Variants in USP24 observed in about 807,000 individuals in gnomAD.
USP24 encodes the protein ubiquitin specific peptidase 24.
In USP24, 97 loss-of-function variants were observed where a neutral mutation model predicts 361.6. That is an observed-to-expected ratio of 0.27 (90% confidence interval 0.23 to 0.32). USP24 has a LOEUF of 0.32. Ranked by LOEUF, USP24 falls within the 10% of genes least tolerant of loss-of-function variation. The pLI is 1.00. For synonymous variants in USP24, 1,098 were observed against 1,124.6 expected, an observed-to-expected ratio of 0.98 and a Z score of 0.47; for missense variants, 2,353 against 3,165.6, an observed-to-expected ratio of 0.74 and a Z score of 6.16.
intron 1 of USP24, among the ~76,000 whole-genome samples, chr1:55,182,370 C>T (rs1644000040): frequency 6.6e-6 from 1 of 152,038 alleles, no homozygotes; most frequent in Non-Finnish European, 1.5e-5. Flanking sequence ...ACTTCTTGAT[C>T]TTGGACTTCT....
At chr1:55,202,478 C>G (rs1404922346) in intron 1 of USP24, among the ~76,000 whole-genome samples, 1 of 151,714 alleles carries the variant, frequency 6.6e-6, no homozygotes, top group African/African-American at 2.4e-5. Flanking sequence ...GATCTCGGCT[C>G]ACTGCAAACT....
chr1:55,111,836 A>C (rs922713099), intron 38 of USP24, among the ~76,000 whole-genome samples: 1 of 152,120 alleles, frequency 6.6e-6, no homozygotes, highest in Non-Finnish European at 1.5e-5. Context: ...ATGTTAAAAC[A>C]GAAGGTTAAA....
intron 3 of USP24, among the ~76,000 whole-genome samples, chr1:55,173,710 T>G (rs1649675313): frequency 6.6e-6 from 1 of 152,240 alleles, no homozygotes; most frequent in Admixed American, 6.5e-5. Context: ...TAAATACTAA[T>G]TAGCCGCACT....
rs1646920426 is a variant in USP24, at chr1:55,142,600, T to C, written c.2634+142A>G. 5 of 625,792 alleles carry C rather than the reference T, an allele frequency of 8.0e-6. No homozygotes were observed. In the South Asian group the frequency reaches 1.2e-4, roughly 15 times the overall value. The allele number at this position is 625,792 out of a possible 1,614,324, so 38.8% of individuals were successfully genotyped here. On this transcript the variant is annotated intron_variant, in intron 23 of 67. Coordinates refer to ENST00000294383, the MANE Select transcript of USP24 (RefSeq NM_015306.3). ...ATACTGGGCAAACATCTGTTCCCTA[T>C]GCCACAATATGGTACTGTTGATAAA...
chr1:55,134,244 A>G, intron 29 of USP24, 81 bp from the exon 30 acceptor site: 1 of 1,562,582 alleles, frequency 6.4e-7, no homozygotes, highest in Non-Finnish European at 8.7e-7. Context: ...ATATAAAATA[A>G]AATGCATTTC....
At chr1:55,095,027 C>T (rs1645464983) in intron 51 of USP24, among the ~76,000 whole-genome samples, 1 of 151,596 alleles carries the variant, frequency 6.6e-6, no homozygotes, top group Admixed American at 6.6e-5. Flanking sequence ...AAACAAAACA[C>T]TTCAATTCTA....
At chr1:55,209,003 T>C (rs1644783740) in intron 1 of USP24, among the ~76,000 whole-genome samples, 1 of 151,938 alleles carries the variant, frequency 6.6e-6, no homozygotes, top group African/African-American at 2.4e-5. Context: ...TTAACGAAAA[T>C]TTTTATGTCA....
chr1:55,145,474 A>G (rs1570535432), intron 20 of USP24, among the ~76,000 whole-genome samples: 1 of 152,188 alleles, frequency 6.6e-6, no homozygotes, highest in African/African-American at 2.4e-5. Context: ...ATCCATAAAG[A>G]CAGAAAATAG....
intron 1 of USP24, among the ~76,000 whole-genome samples, chr1:55,203,005 G>C (rs754012155): frequency 7.2e-5 from 11 of 152,146 alleles, no homozygotes; most frequent in Non-Finnish European, 1.5e-4. Context: ...TTTTACTACC[G>C]TATATTGTAA....
chr1:55,167,053 G>A (rs1164288350), intron 5 of USP24, among the ~76,000 whole-genome samples: 1 of 151,880 alleles, frequency 6.6e-6, no homozygotes, highest in East Asian at 1.9e-4. Context: ...TTCTTTTTGA[G>A]CATTCACTGT....
rs150492680 is a variant in USP24 at position 55,166,646 on chromosome 1, C to T, written c.826-43G>A. On this transcript the variant is annotated intron_variant, in intron 5 of 67. Transcript: ENST00000294383. ...CAAAATTGAGATGGCAATATAAAAG[C>T]TTCCCCATTAACCCTTACATTTCTT... The T allele has an allele frequency of 2.4e-3, 3,685 of 1,513,706 alleles. 21 individuals carry two copies. Among genetic ancestry groups the T allele is most frequent in the Non-Finnish European group, 2.1e-3 (2,369 of 1,110,730 alleles). 93.8% of individuals were successfully genotyped at this position (1,513,706 alleles called of 1,614,324 possible).
rs1204405069 is a variant in USP24, at chr1:55,116,074, G to A, written c.4508+4522C>T. Among the ~76,000 whole-genome samples the A allele has an allele frequency of 4.6e-5, 7 of 152,230 alleles. No homozygotes were observed. In the East Asian group the frequency reaches 5.8e-4, roughly 13 times the overall value. ...AAGAGAAATACCTAATGTAGATGAC[G>A]GGTTGATGGATGCAGCAAACCACTA... On this transcript the variant is annotated intron_variant, in intron 38 of 67. Coordinates refer to ENST00000294383, the MANE Select transcript of USP24 (RefSeq NM_015306.3).
chr1:55,150,111 C>A (rs956894417), intron 16 of USP24, among the ~76,000 whole-genome samples: 1 of 152,102 alleles, frequency 6.6e-6, no homozygotes, highest in African/African-American at 2.4e-5. Context: ...TGAAAAAAAG[C>A]AAGTTGAGTT....
intron 51 of USP24, 119 bp downstream of exon 51, chr1:55,095,133 ATTC>A: frequency 8.2e-7 from 1 of 1,216,422 alleles, no homozygotes; most frequent in Admixed American, 3.3e-5. Context: ...TCTTTTTGGA[ATTC>A]TTTTTAGAAT....
intron 1 of USP24, among the ~76,000 whole-genome samples, chr1:55,205,430 G>A (rs972610971): frequency 8.5e-5 from 13 of 152,108 alleles, no homozygotes; most frequent in South Asian, 2.1e-4. Flanking sequence ...ACTCAAATTC[G>A]AAAAGTCCTG....
chr1:55,159,738 G>A, intron 8 of USP24, 53 bp from the exon 9 acceptor site: 1 of 1,452,066 alleles, frequency 6.9e-7, no homozygotes, highest in Non-Finnish European at 9.4e-7. Flanking sequence ...CCCAAAAGTA[G>A]AGAGAGAATA....
In USP24 at chr1:55,171,562, G is replaced by T; in HGVS notation, c.819C>A (p.Phe273Leu). ...GAAACTAAATGATGTTTACCTTTTG[G>T]AAAGTCGATACAGGTGAAACAGCAA... Reference protein sequence around the residue: ...NMFAVSPVSTFQKEPHGWVVD... With the variant: ...NMFAVSPVSTLQKEPHGWVVD... The change falls in exon 5 of 68, where the codon TTC becomes TTA. Residue 273 changes from phenylalanine (F) to leucine (L), a missense_variant. This residue lies in a region of USP24 where 386 missense variants were observed against 560.5 expected (regional missense o/e 0.69). Coordinates refer to ENST00000294383, the MANE Select transcript of USP24 (RefSeq NM_015306.3). 6.2e-7 allele frequency: 1 copy of T among 1,607,996 alleles called. No individual in the cohort carries two copies. The highest frequency in any genetic ancestry group is 1.1e-5 in the South Asian group (1 of 89,814).
intron 5 of USP24, among the ~76,000 whole-genome samples, chr1:55,167,277 A>G (rs1226704040): frequency 6.6e-6 from 1 of 152,184 alleles, no homozygotes; most frequent in Non-Finnish European, 1.5e-5. Context: ...GACTTCTCTG[A>G]AAACATAATC....
Position 55,069,022 on chromosome 1 carries a change from C to T in USP24, c.*23G>A. ...GAGCATCCAGTATTGTGTCTTGACT[C>T]CTCTCAGGCTGGGCATGTTCCTCTA... On this transcript the variant is annotated 3_prime_UTR_variant, in exon 68 of 68. Transcript: ENST00000294383. 6.2e-7 allele frequency: 1 copy of T among 1,613,602 alleles called. No individual in the cohort carries two copies. The highest frequency in any genetic ancestry group is 1.1e-5 in the South Asian group (1 of 91,078).
Sources: allele counts gnomAD v4.1 joint callset (sites outside exome capture counted in the v4.1 genomes callset), GRCh38; gene constraint gnomAD v4.1.1; regional missense constraint gnomAD v4.1.1; transcripts MANE v1.5; gene names NCBI Gene and HGNC (gene_info 2026-07-23, HGNC 2026-07-21).